LUZP2: variants seen among roughly 807,000 people sequenced by gnomAD.
LUZP2 encodes the protein leucine zipper protein 2.
Under a neutral mutation model 51.6 loss-of-function variants are expected in LUZP2, and 52 were observed. That is an observed-to-expected ratio of 1.01 (90% CI 0.81 to 1.27). LUZP2 has a LOEUF of 1.27. Ranked by LOEUF, LUZP2 falls within the 50% of genes most tolerant of loss-of-function variation. The pLI is 0.00. For synonymous variants in LUZP2, 154 were observed against 137.3 expected, an observed-to-expected ratio of 1.12 and a Z score of -0.85; for missense variants, 436 against 395.4, an observed-to-expected ratio of 1.10 and a Z score of -0.87.
intron 7 of LUZP2, among the ~76,000 whole-genome samples, chr11:24,947,766 T>A (rs968538129): frequency 6.6e-6 from 1 of 151,810 alleles, no homozygotes; most frequent in Non-Finnish European, 1.5e-5. Context: ...CTTCAATACT[T>A]TGAATATTTT....
chr11:24,692,683 T>C (rs899496977), intron 1 of LUZP2, among the ~76,000 whole-genome samples: 24 of 152,200 alleles, frequency 1.6e-4, no homozygotes, highest in African/African-American at 5.5e-4. Context: ...AGCCACATAT[T>C]GTGCCATTTG....
chr11:24,646,268 CA>C (rs1855456842), intron 1 of LUZP2, among the ~76,000 whole-genome samples: 1 of 151,780 alleles, frequency 6.6e-6, no homozygotes, highest in African/African-American at 2.4e-5. Flanking sequence ...ATCTGATTTT[CA>C]AAAAACCAAA....
chr11:24,701,834 T>G (rs1857430145), intron 1 of LUZP2, among the ~76,000 whole-genome samples: 1 of 152,192 alleles, frequency 6.6e-6, no homozygotes. Flanking sequence ...GGTGTCACCT[T>G]AACATTCCAT....
chr11:24,506,283 T>C (rs2133763603), intron 1 of LUZP2, among the ~76,000 whole-genome samples: 1 of 152,240 alleles, frequency 6.6e-6, no homozygotes, highest in Middle Eastern at 3.4e-3. Flanking sequence ...TTTTCTCTTT[T>C]CTAATGCTTG....
intron 5 of LUZP2, among the ~76,000 whole-genome samples, chr11:24,822,606 T>G (rs535169992): frequency 1.2e-3 from 187 of 152,292 alleles, no homozygotes; most frequent in Non-Finnish European, 2.2e-3. Flanking sequence ...AATCCAGTGC[T>G]CCCTTCGCTT....
chr11:24,947,160 A>G (rs574941711), intron 7 of LUZP2, among the ~76,000 whole-genome samples: 19 of 152,162 alleles, frequency 1.2e-4, no homozygotes, highest in African/African-American at 4.6e-4. Flanking sequence ...TACATGTATT[A>G]AAGACTGTAT....
Position 24,684,220 on chromosome 11 carries a change from T to G in LUZP2, c.63-44949T>G, listed in dbSNP as rs142961204. Among the ~76,000 whole-genome samples, 88 of 152,272 alleles carry G rather than the reference T, an allele frequency of 5.8e-4. 1 individual carries two copies. In the South Asian group the frequency reaches 0.016, roughly 27 times the overall value. ...CAGTCTGAGCTTTATGAATATTTAA[T>G]TTGTTTGCATCACTCTACTGCTCAA... is the stretch of plus-strand genomic sequence containing the variant. On this transcript the variant is annotated intron_variant, in intron 1 of 11. Transcript: ENST00000336930.
intron 1 of LUZP2, among the ~76,000 whole-genome samples, chr11:24,685,284 G>C (rs1462115112): frequency 6.6e-6 from 1 of 151,980 alleles, no homozygotes; most frequent in Non-Finnish European, 1.5e-5. Flanking sequence ...GCACATTACA[G>C]ATTGATGCTG....
chr11:25,044,063 TCTATATATATCTGATAAGA>T (rs1254953361), intron 9 of LUZP2, among the ~76,000 whole-genome samples: 11 of 6,060 alleles, frequency 1.8e-3, no homozygotes, highest in African/African-American at 2.5e-3. Flanking sequence ...ATATATAGAG[TCTATATATATCTGATAAGA>T]CTATATATAT....
intron 1 of LUZP2, among the ~76,000 whole-genome samples, chr11:24,694,010 A>G (rs773907511): frequency 2.0e-5 from 3 of 152,094 alleles, no homozygotes; most frequent in Non-Finnish European, 2.9e-5. Context: ...GTGGACATAT[A>G]AAATGCAAAA....
chr11:24,716,903 T>C (rs11028118), intron 1 of LUZP2, among the ~76,000 whole-genome samples: 2 of 144,086 alleles, frequency 1.4e-5, no homozygotes, highest in Non-Finnish European at 3.1e-5. Context: ...CTCAAAAAAA[T>C]TTTTTTAATA....
At chr11:24,801,837 G>A (rs577298350) in intron 5 of LUZP2, among the ~76,000 whole-genome samples, 16 of 148,382 alleles carry the variant, frequency 1.1e-4, no homozygotes, top group African/African-American at 4.0e-4. Context: ...CCACTTAATA[G>A]CTGTCCCAAT....
At chr11:25,025,140 T>G (rs1472257054) in intron 9 of LUZP2, among the ~76,000 whole-genome samples, 1 of 152,066 alleles carries the variant, frequency 6.6e-6, no homozygotes, top group African/African-American at 2.4e-5. Context: ...TATACAAAAA[T>G]TAATTCGAGA....
At chr11:25,017,708 ATTGTTGTTGTTG>A (rs112742532) in intron 9 of LUZP2, among the ~76,000 whole-genome samples, 3,169 of 151,766 alleles carry the variant, frequency 0.021, 52 homozygotes, top group South Asian at 0.085. Flanking sequence ...AAGTTTGCTT[ATTGTTGTTGTTG>A]TTGTTGTTAT....
chr11:24,736,937 AC>A (rs751703302), intron 3 of LUZP2, among the ~76,000 whole-genome samples: 2 of 152,020 alleles, frequency 1.3e-5, no homozygotes, highest in Non-Finnish European at 2.9e-5. Flanking sequence ...TGATTTGTCA[AC>A]CAAAGTCCAA....
intron 11 of LUZP2, among the ~76,000 whole-genome samples, chr11:25,077,710 A>T (rs142457702): frequency 0.011 from 1,654 of 151,904 alleles, 31 homozygotes; most frequent in African/African-American, 0.038. Context: ...GTTAGCCAGG[A>T]TGGTCTCGAT....
In LUZP2 at chr11:24,586,439, C is replaced by T. The variant is rs538045541; in HGVS notation, c.62+89134C>T. On this transcript the variant is annotated intron_variant, in intron 1 of 11. Coordinates refer to ENST00000336930, the MANE Select transcript of LUZP2 (RefSeq NM_001009909.4). Reference sequence around the variant, plus strand: ...AAGAGTTTAATTTTCTAAATAAATTCTAAGAAAAATATATAATTTTCTCAG... The same window carrying T: ...AAGAGTTTAATTTTCTAAATAAATTTTAAGAAAAATATATAATTTTCTCAG... Among the ~76,000 whole-genome samples the T allele has an allele frequency of 2.4e-4, 36 of 151,860 alleles. No individual in the cohort carries two copies. The East Asian group carries it at 7.0e-3, about 29-fold the overall frequency.
At chr11:24,910,973 C>G (rs555301042) in intron 6 of LUZP2, among the ~76,000 whole-genome samples, 1 of 152,142 alleles carries the variant, frequency 6.6e-6, no homozygotes, top group Non-Finnish European at 1.5e-5. Context: ...CAAGGCTATG[C>G]GAGTCCACCT....
intron 9 of LUZP2, among the ~76,000 whole-genome samples, chr11:24,999,836 C>T (rs1020569134): frequency 2.0e-5 from 3 of 152,094 alleles, no homozygotes; most frequent in Admixed American, 6.6e-5. Flanking sequence ...GCTGCAGACC[C>T]TCGTGTTGAG....
Sources: allele counts gnomAD v4.1 joint callset (sites outside exome capture counted in the v4.1 genomes callset), GRCh38; gene constraint gnomAD v4.1.1; transcripts MANE v1.5; gene names NCBI Gene and HGNC (gene_info 2026-07-23, HGNC 2026-07-21).